Variants in SFPQ observed in about 807,000 individuals in gnomAD.
The protein encoded by SFPQ is splicing factor, proline- and glutamine-rich.
Under a neutral mutation model 72.9 loss-of-function variants are expected in SFPQ, and 11 were observed. The observed-to-expected ratio is 0.15, with a 90% CI of 0.09 to 0.25. The LOEUF (loss-of-function observed/expected upper bound fraction) is 0.25. SFPQ is among the 10% of genes least tolerant of loss of function. SFPQ has a pLI of 1.00. For missense variants in SFPQ, 847 were observed against 993.3 expected, an observed-to-expected ratio of 0.85 and a Z score of 1.98; for synonymous variants, 506 against 367.3, an observed-to-expected ratio of 1.38 and a Z score of -4.32.
In SFPQ at chr1:35,184,312, C is replaced by T; in HGVS notation, c.*144G>A. On this transcript the variant is annotated 3_prime_UTR_variant, in exon 10 of 10. Coordinates refer to ENST00000357214, the MANE Select transcript of SFPQ (RefSeq NM_005066.3). The stretch of plus-strand genomic sequence containing the variant: ...ACTGCATTACATAATTTTACCTGCC[C>T]AAACAGACCATTTACAAATATTAGG... 6.8e-7 allele frequency: 1 copy of T among 1,467,954 alleles called. No individual in the cohort carries two copies. The highest frequency in any genetic ancestry group is 1.5e-5 in the South Asian group (1 of 68,284). 90.9% of individuals were successfully genotyped at this position (1,467,954 alleles called of 1,614,324 possible).
At chr1:35,191,844 T>C (rs189778258) in intron 1 of SFPQ, among the ~76,000 whole-genome samples, 215 of 152,216 alleles carry the variant, frequency 1.4e-3, no homozygotes, top group African/African-American at 4.8e-3. Context: ...ATAACACAAA[T>C]CCAAATGCCA....
At position 35,192,444 on chromosome 1, in the gene SFPQ, T is replaced by A. The variant is rs1640067247; in HGVS notation, c.606A>T (p.Pro202=). 2 of 1,407,950 alleles carry A rather than the reference T, an allele frequency of 1.4e-6. No homozygotes were observed. Among genetic ancestry groups the A allele is most frequent in the East Asian group, 6.1e-5 (2 of 32,736 alleles). The allele number at this position is 1,407,950 out of a possible 1,614,324, so 87.2% of individuals were successfully genotyped here. Residue 202 remains proline, a synonymous_variant, in exon 1 of 10, where the codon CCA becomes CCT. Transcript: ENST00000357214. ...TGCCGCCTTTGGGACCACCCGGACC[T>A]GGGCCCTGCTTAGGCCCTGGACCCG... ...PGPGPGPKQG[P]GPGGPKGGKM...
Position 35,187,046 on chromosome 1 carries a change from G to T in SFPQ, c.1941C>A (p.Gly647=), listed in dbSNP as rs186483360. The change falls in exon 9 of 10, where the codon GGC becomes GGA. Residue 647 remains glycine (G), a synonymous_variant. Coordinates refer to ENST00000357214, the MANE Select transcript of SFPQ (RefSeq NM_005066.3). ...AACCACTCATGGTTGCTGGTGGAAC[G>T]CCAGGATTAGCTTCATAACCTATGC... is the stretch of plus-strand genomic sequence containing the variant. ...GGGIGYEANP[G]VPPATMSGSM... 2.5e-6 allele frequency: 4 copies of T among 1,613,960 alleles called. No individual in the cohort carries two copies. In the South Asian group the frequency reaches 3.3e-5, roughly 13 times the overall value.
downstream of SFPQ, chr1:35,179,294 ATC>A (rs1639371826): frequency 3.8e-6 from 4 of 1,059,476 alleles, no homozygotes; most frequent in Non-Finnish European, 4.6e-6. Context: ...AGTCACACGC[ATC>A]TCTTTATTGG....
chr1:35,191,467 A>G lies in SFPQ; in HGVS notation c.891T>C (p.Cys297=). ...RPGEKTYTQR[C]RLFVGNLPAD... is the part of the protein sequence containing the mutation. Reference sequence around the variant, plus strand: ...CAGGTAGATTCCCAACAAACAACCGACATCGCTGTGTGTAAGTTTTCTCTC... The same window carrying G: ...CAGGTAGATTCCCAACAAACAACCGGCATCGCTGTGTGTAAGTTTTCTCTC... Residue 297 remains cysteine, a synonymous_variant, in exon 2 of 10, where the codon TGT becomes TGC. Transcript: ENST00000357214. 6.2e-7 allele frequency: 1 copy of G among 1,614,184 alleles called. No individual in the cohort carries two copies. The highest frequency in any genetic ancestry group is 8.5e-7 in the Non-Finnish European group (1 of 1,180,024).
At chr1:35,191,813 T>G (rs981841646) in intron 1 of SFPQ, among the ~76,000 whole-genome samples, 2 of 152,148 alleles carry the variant, frequency 1.3e-5, no homozygotes, top group Admixed American at 6.5e-5. Context: ...ATCTAAATAG[T>G]ATGAAAATTA....
chr1:35,184,399 G>C lies in SFPQ; in HGVS notation c.*57C>G, dbSNP rs944271852. On this transcript the variant is annotated 3_prime_UTR_variant, in exon 10 of 10. Coordinates refer to ENST00000357214, the MANE Select transcript of SFPQ (RefSeq NM_005066.3). ...CTTACTAAAATGCAAGAATTTAAAA[G>C]ATTGGTATCTAAACAAAAAAACAAA... 1 of 1,583,322 alleles carries C rather than the reference G, an allele frequency of 6.3e-7. No homozygotes were observed. The highest frequency in any genetic ancestry group is 1.4e-5 in the African/African-American group (1 of 72,618).
At chr1:35,178,520 C>T (rs1176060301), downstream of SFPQ, 2 of 1,061,856 alleles carry the variant, frequency 1.9e-6, no homozygotes, top group Non-Finnish European at 2.3e-6. Flanking sequence ...GTACACAACG[C>T]TGTAGTTGTT....
intron 9 of SFPQ, among the ~76,000 whole-genome samples, chr1:35,185,495 T>C (rs1482235708): frequency 1.3e-5 from 2 of 152,220 alleles, no homozygotes; most frequent in Non-Finnish European, 2.9e-5. Flanking sequence ...CATCTAGTTT[T>C]AGGTAATTCT....
chr1:35,186,879 T>C, intron 9 of SFPQ, 122 bp downstream of exon 9: 2 of 896,990 alleles, frequency 2.2e-6, no homozygotes, highest in Non-Finnish European at 3.4e-6. Context: ...TGTATGAAAT[T>C]GGTAGGGGAA....
intron 9 of SFPQ, 41 bp from the exon 10 acceptor site, chr1:35,184,634 T>C (rs1639628034): frequency 6.7e-7 from 1 of 1,497,438 alleles, no homozygotes; most frequent in Middle Eastern, 1.8e-4. Flanking sequence ...AAGTAGTTGA[T>C]GTCCATGTGT....
At position 35,183,243 on chromosome 1, in the gene SFPQ, C is replaced by CTCTGTCTCAAAA; in HGVS notation, c.*1212_*1213insTTTTGAGACAGA. 1.1e-6 allele frequency: 1 copy of CTCTGTCTCAAAA among 870,746 alleles called. No individual in the cohort carries two copies. The highest frequency in any genetic ancestry group is 1.4e-6 in the Non-Finnish European group (1 of 718,250). 53.9% of individuals were successfully genotyped at this position (870,746 alleles called of 1,614,324 possible). On this transcript the variant is annotated 3_prime_UTR_variant, in exon 10 of 10. Transcript: ENST00000357214. The stretch of plus-strand genomic sequence containing the variant: ...ACTAAACCTTTTTTTTTTTTTGAGA[C>CTCTGTCTCAAAA]AGAGTCTCGCTCTGTTGTCCAGGCT...
At chr1:35,181,302 G>T (rs983694750), downstream of SFPQ, 41 of 1,065,510 alleles carry the variant, frequency 3.8e-5, no homozygotes, top group South Asian at 9.1e-5. Context: ...CATAATTGCA[G>T]TCCAAGAACA....
intron 9 of SFPQ, 139 bp downstream of exon 9, chr1:35,186,862 A>G: frequency 2.6e-6 from 2 of 773,022 alleles, no homozygotes; most frequent in East Asian, 2.6e-5. Flanking sequence ...TCAATATTAC[A>G]TATTTATGTA....
At chr1:35,185,871 G>A (rs1557795872) in intron 9 of SFPQ, among the ~76,000 whole-genome samples, 1 of 152,108 alleles carries the variant, frequency 6.6e-6, no homozygotes, top group Non-Finnish European at 1.5e-5. Flanking sequence ...GAACCCAGGA[G>A]CTATCAGCTA....
Position 35,192,600 on chromosome 1 carries a change from A to G in SFPQ, c.450T>C (p.Thr150=). ...GAPPGSGPGP[T]PTPPPAVTSA... is the part of the protein sequence containing the mutation. Reference sequence around the variant, plus strand: ...AGGTGACTGCAGGCGGCGGGGTCGGAGTCGGGCCTGGCCCGGACCCTGGCG... The same window carrying G: ...AGGTGACTGCAGGCGGCGGGGTCGGGGTCGGGCCTGGCCCGGACCCTGGCG... The change falls in exon 1 of 10, where the codon ACT becomes ACC. Residue 150 remains threonine, a synonymous_variant. Transcript: ENST00000357214. The G allele has an allele frequency of 7.4e-7, 1 of 1,343,942 alleles. No homozygotes were observed. Among genetic ancestry groups the G allele is most frequent in the Non-Finnish European group, 9.5e-7 (1 of 1,054,520 alleles). The allele number at this position is 1,343,942 out of a possible 1,614,324, so 83.3% of individuals were successfully genotyped here. A position where few individuals can be genotyped will look rare whatever the true frequency, so the allele number is the denominator to read the frequency against.
At chr1:35,180,146 CA>C (rs1249141214), downstream of SFPQ, 3 of 1,049,434 alleles carry the variant, frequency 2.9e-6, no homozygotes, top group Non-Finnish European at 2.3e-6. Context: ...ATGAAGTTTT[CA>C]TCAGCATTTA....
At chr1:35,184,783 G>GT (rs1194445644) in intron 9 of SFPQ, among the ~76,000 whole-genome samples, 190 bp from the exon 10 acceptor site, 4 of 152,224 alleles carry the variant, frequency 2.6e-5, no homozygotes, top group Admixed American at 6.5e-5. Context: ...ATGCCTTGTG[G>GT]TATGTTCCCA....
chr1:35,178,875 T>C (rs1326699297), downstream of SFPQ: 2 of 1,045,512 alleles, frequency 1.9e-6, no homozygotes, highest in East Asian at 5.6e-5. Flanking sequence ...TCCAAGCCCT[T>C]TTCACTCTCA....
Sources: allele counts gnomAD v4.1 joint callset (sites outside exome capture counted in the v4.1 genomes callset), GRCh38; gene constraint gnomAD v4.1.1; transcripts MANE v1.5; gene names NCBI Gene and HGNC (gene_info 2026-07-23, HGNC 2026-07-21).